MAP2K6: variants seen among roughly 807,000 people sequenced by gnomAD.
The protein encoded by MAP2K6 is dual specificity mitogen-activated protein kinase kinase 6.
A neutral mutation model predicts 53.7 loss-of-function variants in MAP2K6; 16 were observed. The observed-to-expected ratio is 0.30, with a 90% CI of 0.20 to 0.45. The LOEUF is 0.45. Among genes scored for constraint, MAP2K6 ranks in the 20% least tolerant of loss-of-function variants. The pLI, the probability that MAP2K6 is intolerant of heterozygous loss-of-function variation, is 1.00. For missense variants in MAP2K6, 204 were observed against 411.9 expected, an observed-to-expected ratio of 0.50 and a Z score of 4.37; for synonymous variants, 132 against 143.1, an observed-to-expected ratio of 0.92 and a Z score of 0.55.
chr17:69,503,380 A>G (rs77803449), intron 1 of MAP2K6, among the ~76,000 whole-genome samples: 2,786 of 152,334 alleles, frequency 0.018, 82 homozygotes, highest in African/African-American at 0.062. Context: ...CCTGGTACAT[A>G]GGAAAGCTCT....
At chr17:69,467,370 C>T (rs1567828495) in intron 1 of MAP2K6, among the ~76,000 whole-genome samples, 1 of 152,180 alleles carries the variant, frequency 6.6e-6, no homozygotes, top group African/African-American at 2.4e-5. Flanking sequence ...GGAGCACAGC[C>T]ATGTGGTGCT....
intron 1 of MAP2K6, among the ~76,000 whole-genome samples, chr17:69,498,781 G>A (rs1476591563): frequency 6.6e-6 from 1 of 152,118 alleles, no homozygotes; most frequent in African/African-American, 2.4e-5. Context: ...TAATTGCTGG[G>A]TTTAAAGCAA....
In MAP2K6 at chr17:69,437,695, A is replaced by G. The variant is rs181569356; in HGVS notation, c.16+22695A>G. Among the ~76,000 whole-genome samples, 3 of 152,334 alleles carry G rather than the reference A, an allele frequency of 2.0e-5. No individual in the cohort carries two copies. In the East Asian group the frequency reaches 5.8e-4, roughly 29 times the overall value. On this transcript the variant is annotated intron_variant, in intron 1 of 11. Transcript: ENST00000590474. Reference sequence around the variant, plus strand: ...TATCTAATTCCAAAACACTATCATCATCACAGAAGGAAGCCCTGTACTTAT... The same window carrying G: ...TATCTAATTCCAAAACACTATCATCGTCACAGAAGGAAGCCCTGTACTTAT...
At chr17:69,517,453 G>T in intron 3 of MAP2K6, 47 bp from the exon 4 acceptor site, 1 of 1,090,002 alleles carries the variant, frequency 9.2e-7, no homozygotes, top group South Asian at 1.5e-5. Flanking sequence ...TCTCTGTTCT[G>T]TTTATTTTTC....
Position 69,526,722 on chromosome 17 carries a change from C to A in MAP2K6, c.881+13C>A, listed in dbSNP as rs528908937. ...TTACCTCACAGTGGTAAGACAGCCT[C>A]ACCTCCCAAGTGTCAGTGTGAAAGA... is the stretch of plus-strand genomic sequence containing the variant. On this transcript the variant is annotated intron_variant, in intron 10 of 11. Coordinates refer to ENST00000590474, the MANE Select transcript of MAP2K6 (RefSeq NM_002758.4). 6.2e-7 allele frequency: 1 copy of A among 1,609,506 alleles called. No individual in the cohort carries two copies. Among genetic ancestry groups the A allele is most frequent in the African/African-American group, 1.3e-5 (1 of 74,762 alleles).
rs1911841389 is a variant in MAP2K6, at chr17:69,545,455, G to A, written c.*3702G>A. The A allele has an allele frequency of 6.6e-6, 1 of 152,196 alleles. No homozygotes were observed. The highest frequency in any genetic ancestry group is 2.1e-4 in the South Asian group (1 of 4,826). 9.4% of individuals were successfully genotyped at this position (152,196 alleles called of 1,614,324 possible). A position where few individuals can be genotyped will look rare whatever the true frequency, so the allele number is the denominator to read the frequency against. ...AGCTTTTATCACAGTTAAGCCATCT[G>A]AAATGGAAACGAGTATGTATGGGCA... is the stretch of plus-strand genomic sequence containing the variant. On this transcript the variant is annotated 3_prime_UTR_variant, in exon 12 of 12. Transcript: ENST00000590474.
intron 1 of MAP2K6, among the ~76,000 whole-genome samples, chr17:69,456,950 C>T (rs1390664550): frequency 1.3e-5 from 2 of 152,240 alleles, no homozygotes; most frequent in Non-Finnish European, 2.9e-5. Context: ...AGCTTCTTAG[C>T]TTGGACGCCC....
intron 10 of MAP2K6, among the ~76,000 whole-genome samples, chr17:69,531,690 A>G (rs774758914): frequency 1.1e-4 from 17 of 152,110 alleles, no homozygotes; most frequent in Admixed American, 2.0e-4. Context: ...AAAAAAGCAA[A>G]CCCACAATGG....
chr17:69,495,560 C>G (rs1338363281), intron 1 of MAP2K6, among the ~76,000 whole-genome samples: 1 of 152,084 alleles, frequency 6.6e-6, no homozygotes, highest in Admixed American at 6.6e-5. Context: ...CAAACATATT[C>G]AAAAGTGGAC....
rs371005771 is a variant in MAP2K6, at chr17:69,547,979, C to T, written c.*6226C>T. 3 of 152,146 alleles carry T rather than the reference C, an allele frequency of 2.0e-5. No individual in the cohort carries two copies. The highest frequency in any genetic ancestry group is 4.4e-5 in the Non-Finnish European group (3 of 68,018). 9.4% of individuals were successfully genotyped at this position (152,146 alleles called of 1,614,324 possible). A position where few individuals can be genotyped will look rare whatever the true frequency, so the allele number is the denominator to read the frequency against. ...TTTGGGAGGTCAGACTTACCTCAAACGTAGAAGAAGGCAGATAGAGTTCTT... is the reference window on the plus strand; with the variant it reads ...TTTGGGAGGTCAGACTTACCTCAAATGTAGAAGAAGGCAGATAGAGTTCTT... On this transcript the variant is annotated 3_prime_UTR_variant, in exon 12 of 12. Coordinates refer to ENST00000590474, the MANE Select transcript of MAP2K6 (RefSeq NM_002758.4).
intron 1 of MAP2K6, among the ~76,000 whole-genome samples, chr17:69,472,122 T>C (rs773767528): frequency 1.9e-4 from 29 of 152,106 alleles, no homozygotes; most frequent in Non-Finnish European, 3.8e-4. Context: ...TTCTTCAACT[T>C]GGTGTTTTTA....
At chr17:69,523,748 C>A in intron 8 of MAP2K6, 107 bp downstream of exon 8, 2 of 1,376,882 alleles carry the variant, frequency 1.5e-6, no homozygotes, top group South Asian at 1.3e-5. Context: ...GTACCTAAGA[C>A]TCCAGAAGTA....
At chr17:69,465,509 G>A (rs1008729824) in intron 1 of MAP2K6, among the ~76,000 whole-genome samples, 3 of 152,106 alleles carry the variant, frequency 2.0e-5, no homozygotes, top group Non-Finnish European at 4.4e-5. Context: ...CAGGCTGAAA[G>A]ACAAAAGGCC....
At chr17:69,532,222 C>G (rs1378732093) in intron 10 of MAP2K6, among the ~76,000 whole-genome samples, 1 of 152,194 alleles carries the variant, frequency 6.6e-6, no homozygotes, top group Non-Finnish European at 1.5e-5. Context: ...AAAAGAGGCA[C>G]TAGATGTTTA....
chr17:69,546,914 A>G lies in MAP2K6; in HGVS notation c.*5161A>G, dbSNP rs1911899432. 1 of 151,880 alleles carries G rather than the reference A, an allele frequency of 6.6e-6. No individual in the cohort carries two copies. Among genetic ancestry groups the G allele is most frequent in the Non-Finnish European group, 1.5e-5 (1 of 67,998 alleles). The allele number at this position is 151,880 out of a possible 1,614,324, so 9.4% of individuals were successfully genotyped here. ...CAATTAGGCCTCTGAAAATTTACAT[A>G]GTCAGATGGAAAAATGCCAGAGTAA... On this transcript the variant is annotated 3_prime_UTR_variant, in exon 12 of 12. Transcript: ENST00000590474.
In MAP2K6 at chr17:69,496,523, A is replaced by G. The variant is rs559132844; in HGVS notation, c.17-9257A>G. On this transcript the variant is annotated intron_variant, in intron 1 of 11. Transcript: ENST00000590474. ...AGCTGGGATTACAGGCGTGTGCCCC[A>G]CGCCCGGCTAATTTTTTGTATTTTT... 2.6e-5 allele frequency among the ~76,000 whole-genome samples: 4 copies of G among 151,744 alleles called. No individual in the cohort carries two copies. In the East Asian group the frequency reaches 7.8e-4, roughly 29 times the overall value.
chr17:69,463,373 GTA>G (rs374124534), intron 1 of MAP2K6, among the ~76,000 whole-genome samples: 247 of 147,170 alleles, frequency 1.7e-3, no homozygotes, highest in African/African-American at 5.2e-3. Context: ...ATATGTATGT[GTA>G]TATATATGTG....
intron 1 of MAP2K6, among the ~76,000 whole-genome samples, chr17:69,444,319 C>T (rs1250641231): frequency 6.6e-6 from 1 of 152,068 alleles, no homozygotes; most frequent in Non-Finnish European, 1.5e-5. Context: ...CTCTGCTGGT[C>T]CTGGTTGATT....
chr17:69,517,024 A>C (rs1938093731), intron 3 of MAP2K6, 121 bp downstream of exon 3: 1 of 764,508 alleles, frequency 1.3e-6, no homozygotes, highest in African/African-American at 1.8e-5. Context: ...GTTTGCATTT[A>C]AAGGGAAGTG....
Sources: allele counts gnomAD v4.1 joint callset (sites outside exome capture counted in the v4.1 genomes callset), GRCh38; gene constraint gnomAD v4.1.1; transcripts MANE v1.5; gene names NCBI Gene and HGNC (gene_info 2026-07-23, HGNC 2026-07-21).